The following HNRNPA3 variants were observed in gnomAD, a reference collection of about 807,000 sequenced individuals.
HNRNPA3 encodes epididymis secretory sperm binding protein.
Under a neutral mutation model 45.8 loss-of-function variants are expected in HNRNPA3, and 3 were observed. The ratio of observed to expected loss-of-function variants is 0.07; its 90% CI spans 0.03 to 0.17. HNRNPA3 has a LOEUF of 0.17. Ranked by LOEUF, HNRNPA3 falls within the 10% of genes least tolerant of loss-of-function variation. The pLI, the probability that HNRNPA3 is intolerant of heterozygous loss-of-function variation, is 1.00. For synonymous variants in HNRNPA3, 170 were observed against 155.6 expected (o/e 1.09, Z -0.69); for missense variants, 183 against 480.3 (o/e 0.38, Z 5.79).
At chr2:177,216,257 C>T in intron 4 of HNRNPA3, 69 bp downstream of exon 4, 1 of 1,115,404 alleles carries the variant, frequency 9.0e-7, no homozygotes, top group Non-Finnish European at 1.3e-6. Context: ...ACTAAATTTG[C>T]TAAATTGTAA....
chr2:177,219,604 A>G (rs1689100495), exon 11 of HNRNPA3: 1 of 280,802 alleles, frequency 3.6e-6, no homozygotes, highest in Non-Finnish European at 6.8e-6. Flanking sequence ...CAGTTTGCAA[A>G]AAGTGCAGCT....
chr2:177,217,035 A>T (rs964430971), intron 7 of HNRNPA3, 95 bp downstream of exon 7: 2 of 1,270,582 alleles, frequency 1.6e-6, no homozygotes, highest in African/African-American at 3.0e-5. Flanking sequence ...TTAAAACTTC[A>T]GTGGCTAAAT....
chr2:177,216,851 T>C lies in HNRNPA3; in HGVS notation c.740-9T>C, dbSNP rs759604490. On this transcript the variant is annotated splice_polypyrimidine_tract_variant and intron_variant, in intron 6 of 10. Coordinates refer to ENST00000392524, the Ensembl canonical transcript of HNRNPA3. ...ATATTATTTTAATTCATTTCTTGTTTTTCCTCAGGAGGCTATGGTGGTGGA... is the reference window on the plus strand; with the variant it reads ...ATATTATTTTAATTCATTTCTTGTTCTTCCTCAGGAGGCTATGGTGGTGGA... 2 of 1,612,578 alleles carry C rather than the reference T, an allele frequency of 1.2e-6. No individual in the cohort carries two copies. The highest frequency in any genetic ancestry group is 1.7e-6 in the Non-Finnish European group (2 of 1,179,700).
At chr2:177,216,163 T>C in exon 4 of HNRNPA3, 2 of 1,578,534 alleles carry the variant, frequency 1.3e-6, no homozygotes, top group Non-Finnish European at 1.7e-6. Flanking sequence ...CTTTTGATGA[T>C]CATGATACAG....
chr2:177,217,118 C>G (rs913745218), intron 7 of HNRNPA3, among the ~76,000 whole-genome samples, 178 bp downstream of exon 7: 83 of 152,236 alleles, frequency 5.5e-4, no homozygotes, highest in African/African-American at 1.8e-3. Flanking sequence ...ATTAGCTGCT[C>G]TTTTTCAGCA....
chr2:177,213,674 C>T (rs1011594736), intron 1 of HNRNPA3, among the ~76,000 whole-genome samples: 16 of 152,226 alleles, frequency 1.1e-4, no homozygotes, highest in Non-Finnish European at 1.9e-4. Context: ...ACAACCCAGC[C>T]AGCTCCTTCC....
At position 177,218,323 on chromosome 2, in the gene HNRNPA3, A is replaced by G. The variant is rs111879984; in HGVS notation, c.961+478A>G. Among the ~76,000 whole-genome samples the G allele has an allele frequency of 4.6e-5, 7 of 152,122 alleles. No individual in the cohort carries two copies. In the East Asian group the frequency reaches 5.8e-4, roughly 13 times the overall value. On this transcript the variant is annotated intron_variant, in intron 8 of 10. Coordinates refer to ENST00000392524, the Ensembl canonical transcript of HNRNPA3. ...GTGATCTGCCCGCTTCTGCCTCCCAAAGTACTGGGATTACAGGCATGAGCC... is the reference window on the plus strand; with the variant it reads ...GTGATCTGCCCGCTTCTGCCTCCCAGAGTACTGGGATTACAGGCATGAGCC...
downstream of HNRNPA3, chr2:177,223,863 T>G (rs534915782): frequency 1.2e-4 from 19 of 152,300 alleles, no homozygotes; most frequent in East Asian, 5.8e-4. Flanking sequence ...ATGTGTGTGT[T>G]GTTTTGTCAC....
chr2:177,219,331 T>C lies in HNRNPA3; in HGVS notation c.*15+17T>C. ...CAGAAAAGGGTAGGTATCTTTAAAT[T>C]TTTATTATGATGATAAAAGAATATG... On this transcript the variant is annotated intron_variant, in intron 10 of 10. Transcript: ENST00000392524. The C allele has an allele frequency of 6.4e-7, 1 of 1,562,072 alleles. No individual in the cohort carries two copies. Among genetic ancestry groups the C allele is most frequent in the Non-Finnish European group, 8.8e-7 (1 of 1,140,190 alleles).
intron 7 of HNRNPA3, 67 bp downstream of exon 7, chr2:177,217,007 AC>A: frequency 7.4e-7 from 1 of 1,354,904 alleles, no homozygotes; most frequent in Non-Finnish European, 9.9e-7. Flanking sequence ...ATTATTTATT[AC>A]ACTTTTCTAA....
intron 8 of HNRNPA3, 75 bp downstream of exon 8, chr2:177,217,920 A>G: frequency 7.4e-7 from 1 of 1,356,318 alleles, no homozygotes; most frequent in South Asian, 1.5e-5. Context: ...ATATTTGGAA[A>G]GTGTTAAAAG....
intron 1 of HNRNPA3, among the ~76,000 whole-genome samples, chr2:177,213,627 G>A (rs1558967431): frequency 6.6e-6 from 1 of 152,268 alleles, no homozygotes; most frequent in East Asian, 1.9e-4. Context: ...GTGGGCGAAG[G>A]ACTTAATTTT....
At chr2:177,220,165 AATC>A (rs1327828727), downstream of HNRNPA3, 1 of 152,646 alleles carries the variant, frequency 6.6e-6, no homozygotes, top group African/African-American at 2.4e-5. Context: ...TTTAAAATGT[AATC>A]ATATGATTTT....
chr2:177,219,941 G>T (rs1180522577), exon 11 of HNRNPA3: 4 of 152,604 alleles, frequency 2.6e-5, no homozygotes, highest in Non-Finnish European at 5.9e-5. Context: ...CTGCTGACTT[G>T]CAGTTTAAGG....
intron 7 of HNRNPA3, 81 bp from the exon 8 acceptor site, chr2:177,217,622 GTC>G: frequency 6.5e-7 from 1 of 1,549,456 alleles, no homozygotes; most frequent in Non-Finnish European, 8.9e-7. Flanking sequence ...GCAAGACCCA[GTC>G]TCTTACACAC....
chr2:177,222,102 C>G (rs1689205059), downstream of HNRNPA3: 1 of 152,590 alleles, frequency 6.6e-6, no homozygotes, highest in Non-Finnish European at 1.5e-5. Context: ...AATGTCTTTC[C>G]TACCATCTAA....
chr2:177,215,139 A>G (rs944740085), intron 1 of HNRNPA3, among the ~76,000 whole-genome samples: 1 of 152,014 alleles, frequency 6.6e-6, no homozygotes, highest in African/African-American at 2.4e-5. Context: ...TTTCGCTCCT[A>G]TGGCCCAGGC....
rs769572726 is a variant in HNRNPA3, at chr2:177,219,015, CAT to C, written c.962-20_962-19del. Reference sequence around the variant, plus strand: ...ATGATGATTGTGTAGGTAAACCACACATAAAACCTTTCTGATTTCAGGTAACT... The same window carrying C: ...ATGATGATTGTGTAGGTAAACCACACAAAACCTTTCTGATTTCAGGTAACT... On this transcript the variant is annotated intron_variant, in intron 8 of 10. Transcript: ENST00000392524. The C allele has an allele frequency of 1.2e-5, 20 of 1,611,272 alleles. No individual in the cohort carries two copies. The African/African-American group carries it at 1.3e-4, about 11-fold the overall frequency.
downstream of HNRNPA3, chr2:177,222,313 G>A (rs1043754486): frequency 2.0e-5 from 3 of 152,252 alleles, no homozygotes; most frequent in Non-Finnish European, 2.9e-5. Context: ...ATTCCCCTGC[G>A]AAATAGCCAT....
Sources: allele counts gnomAD v4.1 joint callset (sites outside exome capture counted in the v4.1 genomes callset), GRCh38; gene constraint gnomAD v4.1.1; transcripts MANE v1.5; gene names NCBI Gene and HGNC (gene_info 2026-07-23, HGNC 2026-07-21).